ZNF277: variants seen among roughly 807,000 people sequenced by gnomAD.
ZNF277 encodes nuclear receptor-interacting factor 4.
ZNF277 carries 55 observed loss-of-function variants against 60.7 expected under a neutral mutation model. The observed-to-expected ratio is 0.91, with a 90% confidence interval of 0.73 to 1.13. ZNF277 has a LOEUF of 1.13. ZNF277 is among the 50% of genes most tolerant of loss of function. The pLI, the probability that ZNF277 is intolerant of heterozygous loss-of-function variation, is 0.00. For missense variants in ZNF277, 510 were observed against 523.0 expected (o/e 0.98, Z 0.24); for synonymous variants, 178 against 179.3 (o/e 0.99, Z 0.06).
chr7:112,210,599 G>T (rs1587075492), intron 1 of ZNF277, among the ~76,000 whole-genome samples: 1 of 151,792 alleles, frequency 6.6e-6, no homozygotes, highest in South Asian at 2.1e-4. Context: ...AGCCTCCCGA[G>T]TAGCTGGGAT....
At chr7:112,341,823 C>T (rs1358365307) in intron 11 of ZNF277, among the ~76,000 whole-genome samples, 2 of 152,162 alleles carry the variant, frequency 1.3e-5, no homozygotes, top group Non-Finnish European at 2.9e-5. Context: ...TCAGTTCCCC[C>T]AGAACTTTAA....
intron 1 of ZNF277, among the ~76,000 whole-genome samples, chr7:112,273,074 T>C (rs1407404183): frequency 6.6e-6 from 1 of 152,164 alleles, no homozygotes; most frequent in African/African-American, 2.4e-5. Context: ...GGCTGGTGTC[T>C]CACTGGGTCA....
intron 1 of ZNF277, among the ~76,000 whole-genome samples, chr7:112,284,432 T>C (rs1792014676): frequency 6.6e-6 from 1 of 152,204 alleles, no homozygotes; most frequent in Admixed American, 6.5e-5. Flanking sequence ...AATACTATCA[T>C]AGAGTTTCAT....
intron 4 of ZNF277, among the ~76,000 whole-genome samples, chr7:112,310,634 A>G (rs928682757): frequency 6.6e-6 from 1 of 152,102 alleles, no homozygotes; most frequent in Admixed American, 6.6e-5. Context: ...AAATAATCCC[A>G]GATACCTCAG....
chr7:112,310,467 G>GAGAGAGAGAGAGAGAGAGAC (rs1327737497), intron 4 of ZNF277, among the ~76,000 whole-genome samples: 1 of 146,154 alleles, frequency 6.8e-6, no homozygotes, highest in African/African-American at 2.7e-5. Flanking sequence ...GAGAGAGAGA[G>GAGAGAGAGAGAGAGAGAGAC]AGAGAGAGAG....
chr7:112,339,826 A>C lies in ZNF277; in HGVS notation c.967-17A>C. 6.2e-7 allele frequency: 1 copy of C among 1,609,418 alleles called. No homozygotes were observed. Among genetic ancestry groups the C allele is most frequent in the South Asian group, 1.1e-5 (1 of 90,980 alleles). Reference sequence around the variant, plus strand: ...AAATAATTCATATGCTTACAGATGTATTCATTCCTTTTTTAGGATGCACAC... The same window carrying C: ...AAATAATTCATATGCTTACAGATGTCTTCATTCCTTTTTTAGGATGCACAC... On this transcript the variant is annotated splice_polypyrimidine_tract_variant and intron_variant, in intron 9 of 11. Coordinates refer to ENST00000361822, the MANE Select transcript of ZNF277 (RefSeq NM_021994.3).
Position 112,209,343 on chromosome 7 carries a change from A to G in ZNF277, c.91+2536A>G, listed in dbSNP as rs558706997. 2.6e-5 allele frequency among the ~76,000 whole-genome samples: 4 copies of G among 152,294 alleles called. No homozygotes were observed. In the East Asian group the frequency reaches 5.8e-4, roughly 22 times the overall value. On this transcript the variant is annotated intron_variant, in intron 1 of 11. Coordinates refer to ENST00000361822, the MANE Select transcript of ZNF277 (RefSeq NM_021994.3). ...TCCTCTTAAAATATATTCAGCATAC[A>G]TTGCCACCTGTAGTATATGAGTGTT...
intron 4 of ZNF277, among the ~76,000 whole-genome samples, chr7:112,297,615 C>T (rs992302438): frequency 1.3e-5 from 2 of 152,168 alleles, no homozygotes; most frequent in Admixed American, 6.5e-5. Flanking sequence ...TTTTCCTGTA[C>T]AACAACTGCA....
chr7:112,249,840 C>T (rs981039452), intron 1 of ZNF277, among the ~76,000 whole-genome samples: 6 of 152,176 alleles, frequency 3.9e-5, no homozygotes, highest in African/African-American at 1.4e-4. Context: ...TTTAATCTCT[C>T]AATCCTGTCA....
chr7:112,301,907 A>T (rs1792479837), intron 4 of ZNF277, among the ~76,000 whole-genome samples: 2 of 152,172 alleles, frequency 1.3e-5, no homozygotes. Context: ...CCATATAGTC[A>T]AATATCCCTG....
intron 1 of ZNF277, among the ~76,000 whole-genome samples, chr7:112,270,815 G>T (rs1275344018): frequency 2.0e-5 from 3 of 151,888 alleles, no homozygotes; most frequent in African/African-American, 7.3e-5. Flanking sequence ...TTATAAAATT[G>T]ATCATATCAA....
intron 1 of ZNF277, among the ~76,000 whole-genome samples, chr7:112,254,941 C>T (rs1003032054): frequency 2.6e-5 from 4 of 152,120 alleles, no homozygotes; most frequent in African/African-American, 4.8e-5. Context: ...CCACTGTACT[C>T]CAGCCTGGGT....
At chr7:112,300,984 C>T (rs943231990) in intron 4 of ZNF277, among the ~76,000 whole-genome samples, 2 of 152,062 alleles carry the variant, frequency 1.3e-5, no homozygotes, top group East Asian at 1.9e-4. Context: ...ACACTGCCTC[C>T]AGAATTTTAA....
chr7:112,339,751 C>T, intron 9 of ZNF277, 92 bp from the exon 10 acceptor site: 1 of 1,275,484 alleles, frequency 7.8e-7, no homozygotes, highest in Non-Finnish European at 1.1e-6. Context: ...AGTTTCTAAA[C>T]TACTCAAACT....
At chr7:112,243,033 A>C (rs1790996718) in intron 1 of ZNF277, among the ~76,000 whole-genome samples, 1 of 152,140 alleles carries the variant, frequency 6.6e-6, no homozygotes, top group Non-Finnish European at 1.5e-5. Context: ...ACCTACATTC[A>C]ATTGATCTTT....
In ZNF277 at chr7:112,341,525, G is replaced by A. The variant is rs76891503; in HGVS notation, c.1184+479G>A. On this transcript the variant is annotated intron_variant, in intron 11 of 11. Transcript: ENST00000361822. ...CACACTTATCTAATTATTTAATTAA[G>A]CTGAACTCCTAGAAATAAAATTACT... Among the ~76,000 whole-genome samples the A allele has an allele frequency of 8.8e-3, 1,341 of 152,136 alleles. 14 individuals carry two copies. The highest frequency in any genetic ancestry group is 0.03 in the African/African-American group (1,239 of 41,424).
intron 1 of ZNF277, among the ~76,000 whole-genome samples, chr7:112,257,183 A>G (rs1791333697): frequency 6.6e-6 from 1 of 152,180 alleles, no homozygotes; most frequent in Non-Finnish European, 1.5e-5. Flanking sequence ...ATATTTCTAA[A>G]TTGCTGTATA....
rs773523458 is a variant in ZNF277 at position 112,343,596 on chromosome 7, A to G, written c.*867A>G. ...ATATCACTTTTGTAGATTTATACCA[A>G]AAATGCATAATTTGGATATAATGAA... is the stretch of plus-strand genomic sequence containing the variant. On this transcript the variant is annotated 3_prime_UTR_variant, in exon 12 of 12. Transcript: ENST00000361822. 5.3e-5 allele frequency among the ~76,000 whole-genome samples: 8 copies of G among 152,154 alleles called. No individual in the cohort carries two copies. The highest frequency in any genetic ancestry group is 8.8e-5 in the Non-Finnish European group (6 of 68,042).
intron 5 of ZNF277, among the ~76,000 whole-genome samples, 177 bp downstream of exon 5, chr7:112,318,450 C>T (rs1352707863): frequency 6.6e-6 from 1 of 152,010 alleles, no homozygotes; most frequent in Non-Finnish European, 1.5e-5. Flanking sequence ...GTGCTCTAAG[C>T]AGCAGAGGGG....
Sources: gnomAD v4.1 joint callset for allele counts (sites outside exome capture counted in the v4.1 genomes callset) on GRCh38, gnomAD v4.1.1 for gene constraint, MANE v1.5 for transcripts, NCBI Gene and HGNC (gene_info 2026-07-23, HGNC 2026-07-21) for gene names.